The following PCBP3 variants were observed in gnomAD, a reference collection of about 807,000 sequenced individuals.
PCBP3 encodes poly(rC) binding protein 3.
A neutral mutation model predicts 52.7 loss-of-function variants in PCBP3; 25 were observed. The ratio of observed to expected loss-of-function variants is 0.47; its 90% CI spans 0.35 to 0.66. The LOEUF is 0.66. PCBP3 is among the 30% of genes least tolerant of loss of function. The pLI is 0.01. For synonymous variants in PCBP3, 162 were observed against 183.0 expected, an observed-to-expected ratio of 0.89 and a Z score of 0.93; for missense variants, 391 against 490.3, an observed-to-expected ratio of 0.80 and a Z score of 1.91.
rs1222349142 is a variant in PCBP3, at chr21:45,704,532, G to A, written c.-199-30860G>A. On this transcript the variant is annotated intron_variant, in intron 2 of 17. Coordinates refer to ENST00000681687, the MANE Select transcript of PCBP3 (RefSeq NM_001384156.1). The surrounding 1 kb of genome is among the most constrained non-coding windows in gnomAD (Gnocchi z 4.1). ...CCCCAGGGGGCTCCAGGGGAGTGCT[G>A]TCTGCTGCTGGCGGTGGGGGGCGGT... Among the ~76,000 whole-genome samples, 1 of 152,152 alleles carries A rather than the reference G, an allele frequency of 6.6e-6. No homozygotes were observed. Among genetic ancestry groups the A allele is most frequent in the Non-Finnish European group, 1.5e-5 (1 of 68,014 alleles).
At chr21:45,898,248 G>GC (rs2095882146) in intron 6 of PCBP3, among the ~76,000 whole-genome samples, 1 of 152,110 alleles carries the variant, frequency 6.6e-6, no homozygotes, top group African/African-American at 2.4e-5. Context: ...ATTGACGGGG[G>GC]CCCCTCCCTG....
chr21:45,877,025 C>T (rs1324848344), intron 5 of PCBP3, among the ~76,000 whole-genome samples: 1 of 152,280 alleles, frequency 6.6e-6, no homozygotes, highest in African/African-American at 2.4e-5. Flanking sequence ...CGCCCTTCTA[C>T]ACTCCAAGGC....
chr21:45,703,014 C>G (rs1474852059), intron 2 of PCBP3, among the ~76,000 whole-genome samples: 2 of 152,120 alleles, frequency 1.3e-5, no homozygotes, highest in African/African-American at 2.4e-5. Context: ...CCATAAGAAG[C>G]AACTCCTTAT....
chr21:45,722,035 A>G (rs1210521061), intron 2 of PCBP3, among the ~76,000 whole-genome samples: 1 of 152,240 alleles, frequency 6.6e-6, no homozygotes, highest in Non-Finnish European at 1.5e-5. Context: ...TCGGATAAGC[A>G]CTAAATTTAT....
intron 2 of PCBP3, among the ~76,000 whole-genome samples, chr21:45,671,588 C>T (rs922391684): frequency 2.0e-5 from 3 of 152,204 alleles, no homozygotes; most frequent in Non-Finnish European, 4.4e-5. Flanking sequence ...AGACACTCAC[C>T]TGGGAACCAT....
chr21:45,745,339 C>T (rs897642128), intron 3 of PCBP3, among the ~76,000 whole-genome samples: 1 of 152,170 alleles, frequency 6.6e-6, no homozygotes, highest in Non-Finnish European at 1.5e-5. Context: ...GCTTCCCAGA[C>T]CCACCAGCTT....
At chr21:45,844,027 CCTT>C (rs1341110447) in intron 4 of PCBP3, among the ~76,000 whole-genome samples, 1 of 152,048 alleles carries the variant, frequency 6.6e-6, no homozygotes, top group East Asian at 1.9e-4. Context: ...CCTCACTGCT[CCTT>C]CTTGTAGCAT....
At position 45,917,298 on chromosome 21, in the gene PCBP3, C is replaced by A. The variant is rs1050029299; in HGVS notation, c.676-290C>A. 3 of 372,898 alleles carry A rather than the reference C, an allele frequency of 8.0e-6. No homozygotes were observed. The highest frequency in any genetic ancestry group is 4.1e-5 in the Admixed American group (1 of 24,140). 23.1% of individuals were successfully genotyped at this position (372,898 alleles called of 1,614,324 possible). ...TTACTGGGCAGATCACTCTTCGATT[C>A]TTTTGCTTTAAGAAACTTGGAGTCG... On this transcript the variant is annotated intron_variant, in intron 12 of 17. Transcript: ENST00000681687. This position sits in a 1 kb window ranked among gnomAD's most constrained non-coding sequence, Gnocchi z 5.3.
intron 9 of PCBP3, among the ~76,000 whole-genome samples, chr21:45,903,618 T>A (rs1056903388): frequency 6.6e-6 from 1 of 151,980 alleles, no homozygotes; most frequent in African/African-American, 2.4e-5. Context: ...ATAACAATTA[T>A]CATAAAGTGA....
At chr21:45,745,954 G>A (rs1177153351) in intron 3 of PCBP3, among the ~76,000 whole-genome samples, 2 of 149,254 alleles carry the variant, frequency 1.3e-5, no homozygotes, top group Non-Finnish European at 3.0e-5. Context: ...ACGGTGTTGT[G>A]TCAGCATCGC....
intron 4 of PCBP3, among the ~76,000 whole-genome samples, chr21:45,823,082 A>C (rs759288819): frequency 3.3e-5 from 5 of 152,036 alleles, no homozygotes; most frequent in Non-Finnish European, 5.9e-5. Flanking sequence ...GTTTTATTCA[A>C]CTCTTACTTT....
chr21:45,847,151 G>A (rs1233599636), intron 4 of PCBP3, among the ~76,000 whole-genome samples: 2 of 151,544 alleles, frequency 1.3e-5, no homozygotes, highest in Non-Finnish European at 2.9e-5. Flanking sequence ...GTTTTGTTCT[G>A]CTGGCTACTG....
At chr21:45,899,704 G>A in intron 7 of PCBP3, 82 bp downstream of exon 7, 1 of 1,061,626 alleles carries the variant, frequency 9.4e-7, no homozygotes, top group Non-Finnish European at 1.5e-6. Context: ...GGTACTAGGT[G>A]GCACCCAGTA....
At chr21:45,701,734 A>G (rs893819102) in intron 2 of PCBP3, among the ~76,000 whole-genome samples, 4 of 152,018 alleles carry the variant, frequency 2.6e-5, no homozygotes, top group African/African-American at 9.7e-5. Flanking sequence ...CTAATTTTTT[A>G]TTTTTAGTAG....
intron 4 of PCBP3, among the ~76,000 whole-genome samples, chr21:45,814,597 T>G (rs569351654): frequency 7.9e-6 from 1 of 126,336 alleles, no homozygotes; most frequent in African/African-American, 3.1e-5. Context: ...GAGTGGTGAG[T>G]GAGTGATGAG....
chr21:45,847,528 A>T (rs1230120064), intron 4 of PCBP3, among the ~76,000 whole-genome samples: 1 of 152,214 alleles, frequency 6.6e-6, no homozygotes, highest in Non-Finnish European at 1.5e-5. Flanking sequence ...CACAGTGTTC[A>T]TTGAGTTCTT....
intron 4 of PCBP3, among the ~76,000 whole-genome samples, chr21:45,838,646 A>G (rs1420789345): frequency 2.6e-5 from 4 of 152,206 alleles, no homozygotes; most frequent in African/African-American, 7.2e-5. Context: ...CATCATTACC[A>G]TGATTACTTA....
chr21:45,814,641 AGTGAGTGG>A (rs2092794457), intron 4 of PCBP3, among the ~76,000 whole-genome samples: 1 of 34,178 alleles, frequency 2.9e-5, no homozygotes, highest in African/African-American at 1.2e-4. Context: ...GTGAGTGGTG[AGTGAGTGG>A]TGAGTGAGTG....
intron 3 of PCBP3, chr21:45,751,199 G>GCATA (rs1367520339): frequency 1.3e-5 from 2 of 152,104 alleles, no homozygotes; most frequent in Non-Finnish European, 2.9e-5. Context: ...ACGTTTGCTG[G>GCATA]CATACCTCTA....
Sources: gnomAD v4.1 joint callset for allele counts (sites outside exome capture counted in the v4.1 genomes callset) on GRCh38, gnomAD v4.1.1 for gene constraint, Gnocchi (gnomAD v3.1) non-coding constraint, MANE v1.5 for transcripts, NCBI Gene and HGNC (gene_info 2026-07-23, HGNC 2026-07-21) for gene names.